The following PLSCR2 variants were observed in gnomAD, a reference collection of about 807,000 sequenced individuals.
PLSCR2 encodes the protein PL scramblase 2.
A neutral mutation model predicts 25.3 loss-of-function variants in PLSCR2; 18 were observed. That is an observed-to-expected ratio of 0.71 (90% CI 0.49 to 1.06). The LOEUF is 1.06. Ranked by LOEUF, PLSCR2 falls within the 50% of genes least tolerant of loss-of-function variation. PLSCR2 has a pLI of 0.00. For synonymous variants in PLSCR2, 88 were observed against 87.3 expected, an observed-to-expected ratio of 1.01 and a Z score of -0.04; for missense variants, 243 against 269.5, an observed-to-expected ratio of 0.90 and a Z score of 0.69.
chr3:146,473,961 C>A (rs1196530024), intron 1 of PLSCR2, among the ~76,000 whole-genome samples: 1 of 152,148 alleles, frequency 6.6e-6, no homozygotes, highest in Non-Finnish European at 1.5e-5. Flanking sequence ...ACCCAAAGAA[C>A]AAATATTGGT....
At chr3:146,450,788 T>A (rs895431967) in intron 5 of PLSCR2, among the ~76,000 whole-genome samples, 2 of 152,214 alleles carry the variant, frequency 1.3e-5, no homozygotes, top group Non-Finnish European at 2.9e-5. Flanking sequence ...CTAGCTACCA[T>A]AAACCTACTA....
chr3:146,395,655 C>A (rs956268446), intron 3 of PLSCR2: 2 of 157,186 alleles, frequency 1.3e-5, no homozygotes, highest in South Asian at 1.8e-4. Context: ...CAGAAAGGCA[C>A]AATTTGCAGT....
chr3:146,394,696 A>C (rs924753435), intron 3 of PLSCR2, among the ~76,000 whole-genome samples: 1 of 152,196 alleles, frequency 6.6e-6, no homozygotes, highest in Non-Finnish European at 1.5e-5. Context: ...ATTGTGCTTA[A>C]ATTTGCAGTT....
At chr3:146,484,378 C>T (rs1042490471) in intron 1 of PLSCR2, among the ~76,000 whole-genome samples, 3 of 151,862 alleles carry the variant, frequency 2.0e-5, no homozygotes, top group African/African-American at 7.3e-5. Flanking sequence ...AGGATATCAT[C>T]CAGAAGAGCT....
intron 2 of PLSCR2, among the ~76,000 whole-genome samples, chr3:146,402,783 A>C (rs187263665): frequency 6.6e-6 from 1 of 152,090 alleles, no homozygotes; most frequent in South Asian, 2.1e-4. Flanking sequence ...ATTCTGTTCT[A>C]ATGCTAAACT....
intron 2 of PLSCR2, among the ~76,000 whole-genome samples, chr3:146,421,167 G>A (rs1367270888): frequency 6.6e-6 from 1 of 151,968 alleles, no homozygotes; most frequent in Non-Finnish European, 1.5e-5. Context: ...TAAATCAGAA[G>A]AAAGATGGGG....
At chr3:146,432,396 T>C (rs1173968105), downstream of PLSCR2, among the ~76,000 whole-genome samples, 1 of 152,130 alleles carries the variant, frequency 6.6e-6, no homozygotes, top group Non-Finnish European at 1.5e-5. Context: ...GAAAATAGTA[T>C]CTAGAAACCA....
chr3:146,444,788 T>C (rs1278100625), intron 6 of PLSCR2, among the ~76,000 whole-genome samples: 1 of 152,016 alleles, frequency 6.6e-6, no homozygotes, highest in African/African-American at 2.4e-5. Context: ...CTTACTCCTA[T>C]CGTTTTGTTA....
chr3:146,393,101 T>A (rs566724333), intron 3 of PLSCR2, among the ~76,000 whole-genome samples: 1 of 146,324 alleles, frequency 6.8e-6, no homozygotes, highest in South Asian at 2.2e-4. Flanking sequence ...TGATCTTGGC[T>A]CACTGCAAGC....
At chr3:146,463,611 A>T (rs1375584033), upstream of PLSCR2, among the ~76,000 whole-genome samples, 1 of 152,142 alleles carries the variant, frequency 6.6e-6, no homozygotes, top group Non-Finnish European at 1.5e-5. Context: ...ATGACTGTTA[A>T]TTACAATGAA....
chr3:146,450,851 A>T (rs2040845611), intron 5 of PLSCR2, among the ~76,000 whole-genome samples: 2 of 152,170 alleles, frequency 1.3e-5, no homozygotes, highest in Admixed American at 1.3e-4. Context: ...GAAATTAAAA[A>T]ATTCACCAAA....
At chr3:146,432,040 T>G (rs752806478), downstream of PLSCR2, among the ~76,000 whole-genome samples, 6 of 152,152 alleles carry the variant, frequency 3.9e-5, no homozygotes, top group Non-Finnish European at 7.3e-5. Context: ...CTGCTAGACA[T>G]TCTCTAAAAT....
intron 2 of PLSCR2, among the ~76,000 whole-genome samples, chr3:146,409,579 AG>A (rs2038777146): frequency 1.3e-5 from 2 of 152,128 alleles, no homozygotes; most frequent in African/African-American, 4.8e-5. Context: ...GAACTATTGT[AG>A]GATTCAATGA....
chr3:146,448,083 C>A (rs957240075), intron 6 of PLSCR2, among the ~76,000 whole-genome samples: 1 of 152,140 alleles, frequency 6.6e-6, no homozygotes, highest in African/African-American at 2.4e-5. Context: ...TTAGGTGATT[C>A]AAGACTGTCT....
chr3:146,452,618 T>C (rs960295168), intron 5 of PLSCR2, among the ~76,000 whole-genome samples: 1 of 152,174 alleles, frequency 6.6e-6, no homozygotes, highest in Non-Finnish European at 1.5e-5. Context: ...TATTAGTTAC[T>C]CTTAGAATCT....
chr3:146,487,770 C>T (rs1195338511), intron 1 of PLSCR2, among the ~76,000 whole-genome samples: 4 of 152,050 alleles, frequency 2.6e-5, no homozygotes, highest in African/African-American at 4.8e-5. Flanking sequence ...AAATTTAATG[C>T]TACTTCCATT....
At chr3:146,433,899 G>A (rs1417662071) in intron 8 of PLSCR2, among the ~76,000 whole-genome samples, 1 of 152,146 alleles carries the variant, frequency 6.6e-6, no homozygotes, top group Non-Finnish European at 1.5e-5. Flanking sequence ...TAACACTTAT[G>A]GGGAGAGTGG....
intron 2 of PLSCR2, among the ~76,000 whole-genome samples, chr3:146,414,673 C>T (rs1199158775): frequency 2.6e-5 from 4 of 151,730 alleles, no homozygotes; most frequent in African/African-American, 7.3e-5. Flanking sequence ...CATACTAAGT[C>T]GAGATAAAGG....
At chr3:146,494,303 G>A (rs2043667785) in intron 1 of PLSCR2, among the ~76,000 whole-genome samples, 1 of 152,014 alleles carries the variant, frequency 6.6e-6, no homozygotes. Context: ...ATGTATAATG[G>A]TAAGTACATA....
Sources: gnomAD v4.1 joint callset for allele counts (sites outside exome capture counted in the v4.1 genomes callset) on GRCh38, gnomAD v4.1.1 for gene constraint, MANE v1.5 for transcripts, NCBI Gene and HGNC (gene_info 2026-07-23, HGNC 2026-07-21) for gene names.